BPIFC: variants seen among roughly 807,000 people sequenced by gnomAD.
The protein encoded by BPIFC is BPI fold-containing family C protein.
BPIFC carries 60 observed loss-of-function variants against 57.6 expected under a neutral mutation model. That is an observed-to-expected ratio of 1.04 (90% CI 0.85 to 1.29). The LOEUF (loss-of-function observed/expected upper bound fraction) is 1.29, where lower values mean the gene tolerates loss of function less well. Ranked by LOEUF, BPIFC falls within the 50% of genes most tolerant of loss-of-function variation. The pLI is 0.00. For missense variants in BPIFC, 581 were observed against 600.5 expected (o/e 0.97, Z 0.34); for synonymous variants, 243 against 224.5 (o/e 1.08, Z -0.74).
Position 32,437,742 on chromosome 22 carries a change from T to C in BPIFC, c.747+18A>G, listed in dbSNP as rs113666931. ...CTGTTGACAGCCAGGCTGAGGATTC[T>C]GATGATGATAAAGTTACCTTCAAGT... On this transcript the variant is annotated intron_variant, in intron 9 of 16. Coordinates refer to ENST00000300399, the MANE Select transcript of BPIFC (RefSeq NM_174932.3). The C allele has an allele frequency of 4.0e-4, 613 of 1,541,102 alleles. 7 individuals are homozygous for C. In the African/African-American group the frequency reaches 6.6e-3, roughly 17 times the overall value.
At chr22:32,451,568 G>A (rs1432440756) in intron 4 of BPIFC, among the ~76,000 whole-genome samples, 1 of 151,992 alleles carries the variant, frequency 6.6e-6, no homozygotes, top group Admixed American at 6.6e-5. Context: ...TAGGGTGGAG[G>A]GATAGCATTA....
intron 3 of BPIFC, among the ~76,000 whole-genome samples, chr22:32,454,063 A>G (rs1934973004): frequency 6.6e-6 from 1 of 152,204 alleles, no homozygotes; most frequent in South Asian, 2.1e-4. Flanking sequence ...GTAAGCCATG[A>G]TTGCACCATT....
intron 2 of BPIFC, among the ~76,000 whole-genome samples, chr22:32,460,788 T>C (rs1935144325): frequency 6.6e-6 from 1 of 152,216 alleles, no homozygotes; most frequent in African/African-American, 2.4e-5. Flanking sequence ...GTATGTTTCT[T>C]TTCTGGCTTA....
chr22:32,462,443 T>C (rs1935187498), intron 1 of BPIFC, among the ~76,000 whole-genome samples: 1 of 151,908 alleles, frequency 6.6e-6, no homozygotes, highest in African/African-American at 2.4e-5. Flanking sequence ...AACCAAACTA[T>C]CATATATAAT....
chr22:32,435,878 A>C lies in BPIFC; in HGVS notation c.750T>G (p.Gly250=). ...TGAGGTTTTCCAGTGGGTAGAATAC[A>C]CCCTGTGGGAAAAGAGAGAGAAAGA... is the stretch of plus-strand genomic sequence containing the variant. ...TENYLDLNLK[G]VFYPLENLTD... The change falls in exon 10 of 17, where the codon GGT becomes GGG. Residue 250 remains glycine (G), a splice_region_variant and synonymous_variant. Coordinates refer to ENST00000300399, the MANE Select transcript of BPIFC (RefSeq NM_174932.3). The C allele has an allele frequency of 6.2e-7, 1 of 1,609,002 alleles. No individual in the cohort carries two copies. The highest frequency in any genetic ancestry group is 1.7e-5 in the Admixed American group (1 of 58,398).
At chr22:32,416,991 G>T in intron 15 of BPIFC, 94 bp downstream of exon 15, 1 of 1,103,318 alleles carries the variant, frequency 9.1e-7, no homozygotes, top group Non-Finnish European at 1.4e-6. Flanking sequence ...ACAAGCTTCA[G>T]GGTGGAAAGT....
intron 2 of BPIFC, among the ~76,000 whole-genome samples, chr22:32,460,925 A>G (rs970967113): frequency 6.6e-6 from 1 of 152,212 alleles, no homozygotes; most frequent in Non-Finnish European, 1.5e-5. Flanking sequence ...GAATGAATCA[A>G]TGGTAGAATG....
At chr22:32,428,581 C>G (rs1299334425) in intron 13 of BPIFC, among the ~76,000 whole-genome samples, 1 of 151,538 alleles carries the variant, frequency 6.6e-6, no homozygotes, top group Admixed American at 6.6e-5. Flanking sequence ...AACCATACTA[C>G]TTTAAACAAA....
At chr22:32,457,860 C>G (rs572645432) in intron 2 of BPIFC, among the ~76,000 whole-genome samples, 7 of 152,256 alleles carry the variant, frequency 4.6e-5, no homozygotes, top group African/African-American at 1.2e-4. Context: ...GCATATGCGT[C>G]CATTAGAACA....
intron 4 of BPIFC, among the ~76,000 whole-genome samples, chr22:32,451,853 C>T (rs984382245): frequency 2.6e-5 from 4 of 152,154 alleles, no homozygotes; most frequent in African/African-American, 9.7e-5. Context: ...TAATGTCCAT[C>T]TCTCCCACTG....
intron 8 of BPIFC, among the ~76,000 whole-genome samples, chr22:32,441,754 T>C (rs1601467824): frequency 6.6e-6 from 1 of 152,122 alleles, no homozygotes; most frequent in Admixed American, 6.5e-5. Context: ...GGGCACTCAA[T>C]ATGTATCTGT....
At chr22:32,459,518 C>G (rs1203586091) in intron 2 of BPIFC, among the ~76,000 whole-genome samples, 2 of 151,936 alleles carry the variant, frequency 1.3e-5, no homozygotes, top group African/African-American at 2.4e-5. Context: ...AAAAAATTAG[C>G]TGGGTGTGGT....
intron 8 of BPIFC, among the ~76,000 whole-genome samples, chr22:32,440,399 C>T (rs1934531320): frequency 6.6e-6 from 1 of 152,234 alleles, no homozygotes; most frequent in Non-Finnish European, 1.5e-5. Context: ...ACCTTGGCCT[C>T]CCAAAGTGCT....
chr22:32,432,048 C>T (rs545577736), intron 12 of BPIFC, among the ~76,000 whole-genome samples: 1 of 152,292 alleles, frequency 6.6e-6, no homozygotes, highest in South Asian at 2.1e-4. Context: ...AACACTTCCA[C>T]CTCAGCCTCC....
intron 2 of BPIFC, among the ~76,000 whole-genome samples, 161 bp from the exon 3 acceptor site, chr22:32,457,547 A>G (rs561311644): frequency 6.8e-6 from 1 of 146,756 alleles, no homozygotes; most frequent in African/African-American, 2.6e-5. Context: ...CCATCCATCC[A>G]ACCATCCATC....
At chr22:32,419,706 T>C (rs1169961643) in intron 13 of BPIFC, among the ~76,000 whole-genome samples, 5 of 147,902 alleles carry the variant, frequency 3.4e-5, no homozygotes, top group African/African-American at 1.3e-4. Flanking sequence ...CTTGGAAGGC[T>C]GAAGCAGGAG....
At chr22:32,426,816 C>T (rs1022596062) in intron 13 of BPIFC, among the ~76,000 whole-genome samples, 4 of 151,600 alleles carry the variant, frequency 2.6e-5, no homozygotes, top group Non-Finnish European at 5.9e-5. Flanking sequence ...CACTGGAACC[C>T]GGGGTGCAGA....
chr22:32,459,448 G>A (rs1935112108), intron 2 of BPIFC, among the ~76,000 whole-genome samples: 1 of 152,110 alleles, frequency 6.6e-6, no homozygotes, highest in Non-Finnish European at 1.5e-5. Context: ...TGGATCACGA[G>A]GTCAGGAGAT....
In BPIFC at chr22:32,444,465, T is replaced by C. The variant is rs977637763; in HGVS notation, c.594+1170A>G. Among the ~76,000 whole-genome samples the C allele has an allele frequency of 4.6e-5, 7 of 152,304 alleles. No individual in the cohort carries two copies. The East Asian group carries it at 1.4e-3, about 29-fold the overall frequency. ...TGGACGTGACCAGACCCTGTCTTTG[T>C]CCCTTCTTTTCCAGAAGAGTCTTCC... On this transcript the variant is annotated intron_variant, in intron 7 of 16. Coordinates refer to ENST00000300399, the MANE Select transcript of BPIFC (RefSeq NM_174932.3).
Sources: gnomAD v4.1 joint callset for allele counts (sites outside exome capture counted in the v4.1 genomes callset) on GRCh38, gnomAD v4.1.1 for gene constraint, MANE v1.5 for transcripts, NCBI Gene and HGNC (gene_info 2026-07-23, HGNC 2026-07-21) for gene names.